MMP7: variants seen among roughly 807,000 people sequenced by gnomAD.
MMP7 encodes the protein matrilysin.
MMP7 carries 26 observed loss-of-function variants against 31.5 expected under a neutral mutation model. The ratio of observed to expected loss-of-function variants is 0.83; its 90% CI spans 0.61 to 1.15. MMP7 has a LOEUF of 1.15. MMP7 is among the 50% of genes most tolerant of loss of function. The probability of loss-of-function intolerance (pLI) is 0.00; values close to 1 mark genes in which losing one functional copy is unlikely to be tolerated. For missense variants in MMP7, 367 were observed against 326.5 expected, an observed-to-expected ratio of 1.12 and a Z score of -0.96; for synonymous variants, 142 against 124.2, an observed-to-expected ratio of 1.14 and a Z score of -0.95.
chr11:102,522,063 A>G (rs911711400), intron 5 of MMP7, among the ~76,000 whole-genome samples: 5 of 152,210 alleles, frequency 3.3e-5, no homozygotes, highest in East Asian at 1.9e-4. Context: ...CATTTGTTCA[A>G]TACTCCATAC....
intron 3 of MMP7, chr11:102,527,018 T>G (rs1858679670): frequency 1.2e-5 from 2 of 168,378 alleles, no homozygotes; most frequent in African/African-American, 4.8e-5. Context: ...TTTGTGTAAG[T>G]GTATTCTATG....
In MMP7 at chr11:102,520,929, T is replaced by TC. The variant is rs1858606336; in HGVS notation, c.776-126dup. 6.3e-6 allele frequency: 4 copies of TC among 632,782 alleles called. No homozygotes were observed. In the African/African-American group the frequency reaches 8.0e-5, roughly 13 times the overall value. 39.2% of individuals were successfully genotyped at this position (632,782 alleles called of 1,614,324 possible). A position where few individuals can be genotyped will look rare whatever the true frequency, so the allele number is the denominator to read the frequency against. ...TATTATTCACTCAGACCATTTCTTG[T>TC]CCCTGGGACAAAGATTCTGAAGAAC... is the stretch of plus-strand genomic sequence containing the variant. On this transcript the variant is annotated intron_variant, in intron 5 of 5. Coordinates refer to ENST00000260227, the MANE Select transcript of MMP7 (RefSeq NM_002423.5).
rs567493674 is a variant in MMP7 at position 102,520,814 on chromosome 11, G to GA, written c.776-11dup. The GA allele has an allele frequency of 8.2e-4, 1,218 of 1,492,084 alleles. No individual in the cohort carries two copies. The highest frequency in any genetic ancestry group is 9.0e-4 in the Admixed American group (48 of 53,248). 92.4% of individuals were successfully genotyped at this position (1,492,084 alleles called of 1,614,324 possible). On this transcript the variant is annotated splice_polypyrimidine_tract_variant and intron_variant, in intron 5 of 5. Coordinates refer to ENST00000260227, the MANE Select transcript of MMP7 (RefSeq NM_002423.5). Reference sequence around the variant, plus strand: ...GAATTACTTCTCTTTCCTATTGAGAGAAAAAAAAAGAACATTCTGATATGT... The same window carrying GA: ...GAATTACTTCTCTTTCCTATTGAGAGAAAAAAAAAAGAACATTCTGATATGT...
intron 1 of MMP7, among the ~76,000 whole-genome samples, chr11:102,528,376 T>C (rs1858697368): frequency 6.6e-6 from 1 of 152,092 alleles, no homozygotes; most frequent in Admixed American, 6.5e-5. Context: ...AGATCTGAGG[T>C]CAACCAGCCC....
intron 5 of MMP7, among the ~76,000 whole-genome samples, chr11:102,522,083 G>T (rs952048815): frequency 2.3e-4 from 35 of 152,184 alleles, no homozygotes; most frequent in Non-Finnish European, 1.5e-5. Context: ...CTCTCTAATA[G>T]TCTATACACC....
chr11:102,525,000 C>G lies in MMP7; in HGVS notation c.549G>C (p.Gly183=). The change falls in exon 4 of 6, where the codon GGG becomes GGC. Residue 183 remains glycine (G), a synonymous_variant. Transcript: ENST00000260227. ...AGTGAGCATCTCCTCCGAGACCTGT[C>G]CCAGGCGCAAAGGCATGAGCCAGCG... The part of the protein sequence containing the change: ...GNTLAHAFAP[G]TGLGGDAHFD... 1 of 1,614,060 alleles carries G rather than the reference C, an allele frequency of 6.2e-7. No individual in the cohort carries two copies. Among genetic ancestry groups the G allele is most frequent in the Non-Finnish European group, 8.5e-7 (1 of 1,179,970 alleles).
chr11:102,522,816 C>T (rs11225303), intron 5 of MMP7, among the ~76,000 whole-genome samples: 24,960 of 152,098 alleles, frequency 0.16, 2,514 homozygotes, highest in East Asian at 0.23. Flanking sequence ...TCTACATGTA[C>T]GTGCAAACAG....
chr11:102,526,123 G>A (rs1476277381), intron 3 of MMP7, among the ~76,000 whole-genome samples: 1 of 149,058 alleles, frequency 6.7e-6, no homozygotes, highest in East Asian at 2.0e-4. Context: ...AACAATTTAT[G>A]TATATGGGTT....
At position 102,527,591 on chromosome 11, in the gene MMP7, C is replaced by G. The variant is rs141956671; in HGVS notation, c.417G>C (p.Glu139Asp). ...VSKALNMWGK[E>D]IPLHFRKVVW... ...CAACTTTCCTGAAATGCAGGGGGAT[C>G]TCTTTGCCCCACATGTTTAAAGCCT... is the stretch of plus-strand genomic sequence containing the variant. The change falls in exon 3 of 6, where the codon GAG becomes GAC. Residue 139 changes from glutamate to aspartate, a missense_variant. Transcript: ENST00000260227. The G allele has an allele frequency of 2.3e-4, 367 of 1,614,182 alleles. 2 individuals carry two copies. In the African/African-American group the frequency reaches 3.7e-3, roughly 16 times the overall value.
chr11:102,528,325 C>T (rs534075642), intron 1 of MMP7, among the ~76,000 whole-genome samples: 68 of 152,244 alleles, frequency 4.5e-4, no homozygotes, highest in Middle Eastern at 3.4e-3. Flanking sequence ...CTCAGGGGTA[C>T]GACTGGGACA....
At chr11:102,521,610 G>C (rs1007482708) in intron 5 of MMP7, among the ~76,000 whole-genome samples, 1 of 152,128 alleles carries the variant, frequency 6.6e-6, no homozygotes, top group Non-Finnish European at 1.5e-5. Context: ...TACATATACA[G>C]CCCACATAAT....
chr11:102,528,385 C>T (rs1205623729), intron 1 of MMP7, among the ~76,000 whole-genome samples: 2 of 152,060 alleles, frequency 1.3e-5, no homozygotes, highest in African/African-American at 4.8e-5. Context: ...GTCAACCAGC[C>T]CTATCTAAAG....
chr11:102,527,478 A>G, intron 3 of MMP7, 46 bp downstream of exon 3: 2 of 1,613,330 alleles, frequency 1.2e-6, no homozygotes, highest in Non-Finnish European at 1.7e-6. Context: ...TAAACCATGA[A>G]CAAACAAAAC....
At chr11:102,528,729 C>T (rs1174410409) in intron 1 of MMP7, among the ~76,000 whole-genome samples, 1 of 152,116 alleles carries the variant, frequency 6.6e-6, no homozygotes, top group African/African-American at 2.4e-5. Context: ...GGTTGGATTC[C>T]TGGGAATTTC....
At chr11:102,524,808 C>A in intron 4 of MMP7, 128 bp downstream of exon 4, 1 of 965,204 alleles carries the variant, frequency 1.0e-6, no homozygotes, top group Non-Finnish European at 1.4e-6. Context: ...GCATTTCAGG[C>A]ATATAGTACA....
chr11:102,526,541 T>C (rs960012761), intron 3 of MMP7, among the ~76,000 whole-genome samples: 1 of 152,114 alleles, frequency 6.6e-6, no homozygotes, highest in Non-Finnish European at 1.5e-5. Flanking sequence ...CCTGCTGTGT[T>C]ATATATTTTT....
chr11:102,527,863 G>C lies in MMP7; in HGVS notation c.229C>G (p.Arg77Gly). ...GLPITGMLNS[R>G]VIEIMQKPRC... Reference sequence around the variant, plus strand: ...GGCTTCTGCATTATTTCTATGACGCGGGAGTTTAACATTCCAGTTATAGGT... The same window carrying C: ...GGCTTCTGCATTATTTCTATGACGCCGGAGTTTAACATTCCAGTTATAGGT... Residue 77 changes from arginine to glycine, a missense_variant, in exon 2 of 6, where the codon CGC becomes GGC. Physicochemically the swap from Arg to Gly is moderately radical, Grantham distance 125 (BLOSUM62 -2). Transcript: ENST00000260227. The C allele has an allele frequency of 6.2e-7, 1 of 1,614,044 alleles. No individual in the cohort carries two copies.
chr11:102,526,099 C>T (rs891462814), intron 3 of MMP7, among the ~76,000 whole-genome samples: 2 of 151,322 alleles, frequency 1.3e-5, no homozygotes, highest in African/African-American at 4.9e-5. Context: ...CACCATGAAA[C>T]ACTAGCAATT....
At chr11:102,529,864 A>G (rs1858712456) in intron 1 of MMP7, among the ~76,000 whole-genome samples, 1 of 152,226 alleles carries the variant, frequency 6.6e-6, no homozygotes, top group African/African-American at 2.4e-5. Flanking sequence ...TCCTCTTTTT[A>G]TAGAACTAAG....
Sources: allele counts gnomAD v4.1 joint callset (sites outside exome capture counted in the v4.1 genomes callset), GRCh38; gene constraint gnomAD v4.1.1; transcripts MANE v1.5; gene names NCBI Gene and HGNC (gene_info 2026-07-23, HGNC 2026-07-21).